The following DCUN1D5 variants were observed in gnomAD, a reference collection of about 807,000 sequenced individuals.
DCUN1D5 encodes defective in cullin neddylation 1 domain containing 5.
In DCUN1D5, 10 loss-of-function variants were observed where a neutral mutation model predicts 38.3. The ratio of observed to expected loss-of-function variants is 0.26; its 90% CI spans 0.16 to 0.44. The LOEUF is 0.44. DCUN1D5 is among the 20% of genes least tolerant of loss of function. The pLI is 1.00. For missense variants in DCUN1D5, 148 were observed against 275.3 expected, an observed-to-expected ratio of 0.54 and a Z score of 3.27; for synonymous variants, 93 against 90.9, an observed-to-expected ratio of 1.02 and a Z score of -0.13.
chr11:103,082,714 G>A, intron 4 of DCUN1D5, 34 bp downstream of exon 4: 1 of 1,324,694 alleles, frequency 7.5e-7, no homozygotes, highest in Non-Finnish European at 1.1e-6. Flanking sequence ...CTTCAAATAG[G>A]CCATCAAATT....
At chr11:103,088,285 T>C (rs1055922157) in intron 2 of DCUN1D5, among the ~76,000 whole-genome samples, 1 of 150,180 alleles carries the variant, frequency 6.7e-6, no homozygotes, top group Non-Finnish European at 1.5e-5. Flanking sequence ...ATTTTGAGAA[T>C]GATAGTGATT....
At chr11:103,074,897 T>C (rs774485540) in intron 4 of DCUN1D5, among the ~76,000 whole-genome samples, 14 of 152,246 alleles carry the variant, frequency 9.2e-5, no homozygotes, top group Non-Finnish European at 2.1e-4. Context: ...TTTCTGATTA[T>C]AAACTAGTGA....
intron 3 of DCUN1D5, 37 bp from the exon 4 acceptor site, chr11:103,082,876 C>T: frequency 6.7e-7 from 1 of 1,495,764 alleles, no homozygotes; most frequent in Non-Finnish European, 9.3e-7. Flanking sequence ...GGGGAAAAGT[C>T]AGCATAGAGA....
Position 103,077,072 on chromosome 11 carries a change from T to C in DCUN1D5, c.341+5676A>G, listed in dbSNP as rs1591217965. ...AAAATTAGCTGGGTGTGGTGGCGGG[T>C]GCCTGTAGTCCCAGCTACTCAGGAG... On this transcript the variant is annotated intron_variant, in intron 4 of 7. Coordinates refer to ENST00000260247, the MANE Select transcript of DCUN1D5 (RefSeq NM_032299.4). The surrounding 1 kb of genome is among the most constrained non-coding windows in gnomAD (Gnocchi z 4.3). Among the ~76,000 whole-genome samples, 1 of 152,090 alleles carries C rather than the reference T, an allele frequency of 6.6e-6. No individual in the cohort carries two copies. Among genetic ancestry groups the C allele is most frequent in the South Asian group, 2.1e-4 (1 of 4,822 alleles).
rs904871891 is a variant in DCUN1D5 at position 103,061,327 on chromosome 11, T to G, written c.*1032A>C. ...CATATCACTGGGATACTGGATGGTT[T>G]GAAAAGGAATGTACAAACAGGCCTG... On this transcript the variant is annotated 3_prime_UTR_variant, in exon 8 of 8. Transcript: ENST00000260247. 2.6e-5 allele frequency among the ~76,000 whole-genome samples: 4 copies of G among 152,188 alleles called. No homozygotes were observed. Among genetic ancestry groups the G allele is most frequent in the Non-Finnish European group, 5.9e-5 (4 of 68,020 alleles).
intron 4 of DCUN1D5, among the ~76,000 whole-genome samples, chr11:103,069,018 T>C (rs972261670): frequency 6.6e-6 from 1 of 152,164 alleles, no homozygotes; most frequent in Non-Finnish European, 1.5e-5. Flanking sequence ...TATAGACGAA[T>C]GCTTTCAAAG....
rs78833962 is a variant in DCUN1D5 at position 103,060,033 on chromosome 11, G to T, written c.*2326C>A. On this transcript the variant is annotated 3_prime_UTR_variant, in exon 8 of 8. Transcript: ENST00000260247. ...ATTGTTTATATCACTTAACATTTTT[G>T]ATCATAAATTTCCCAGTAAATTAAA... Among the ~76,000 whole-genome samples the T allele has an allele frequency of 4.2e-4, 64 of 152,104 alleles. No individual in the cohort carries two copies. The highest frequency in any genetic ancestry group is 1.5e-3 in the African/African-American group (62 of 41,496).
Position 103,064,362 on chromosome 11 carries a change from C to G in DCUN1D5, c.571G>C (p.Val191Leu). The G allele has an allele frequency of 6.3e-7, 1 of 1,596,648 alleles. No homozygotes were observed. Among genetic ancestry groups the G allele is most frequent in the Non-Finnish European group, 8.5e-7 (1 of 1,172,114 alleles). Residue 191 changes from valine to leucine, a missense_variant, in exon 7 of 8, where the codon GTT (valine) becomes CTT (leucine). Physicochemically the swap from Val to Leu is conservative, Grantham distance 32. Transcript: ENST00000260247. The surrounding 1 kb of genome is among the most constrained non-coding windows in gnomAD (Gnocchi z 4.5). ...YQYLEQSKYR[V>L]MNKDQWYNVL... The stretch of plus-strand genomic sequence containing the variant: ...TTGTACCATTGATCTTTGTTCATAA[C>G]ACGATACTTTGATTGCTGCAAAAAT...
At chr11:103,079,556 C>A (rs1451346135) in intron 4 of DCUN1D5, among the ~76,000 whole-genome samples, 3 of 152,014 alleles carry the variant, frequency 2.0e-5, no homozygotes, top group East Asian at 3.9e-4. Context: ...CATAGTGAGA[C>A]AAGCTGGAGC....
At chr11:103,075,067 C>T (rs552059205) in intron 4 of DCUN1D5, among the ~76,000 whole-genome samples, 13 of 152,242 alleles carry the variant, frequency 8.5e-5, no homozygotes, top group African/African-American at 1.4e-4. Context: ...AGATGGAGGA[C>T]GAGGAATTCT....
Position 103,059,465 on chromosome 11 carries a change from T to C in DCUN1D5, c.*2894A>G, listed in dbSNP as rs1375681662. ...TAACATTCCCAAAGAAGGCTTCAAA[T>C]TGCAGTTCAAGAAACACTAATCTAG... On this transcript the variant is annotated 3_prime_UTR_variant, in exon 8 of 8. Transcript: ENST00000260247. Among the ~76,000 whole-genome samples the C allele has an allele frequency of 6.6e-6, 1 of 152,090 alleles. No individual in the cohort carries two copies. The highest frequency in any genetic ancestry group is 2.4e-5 in the African/African-American group (1 of 41,418).
At chr11:103,079,294 G>T (rs1179744411) in intron 4 of DCUN1D5, among the ~76,000 whole-genome samples, 1 of 152,128 alleles carries the variant, frequency 6.6e-6, no homozygotes, top group Non-Finnish European at 1.5e-5. Flanking sequence ...GGTTGGCTGG[G>T]TTACAGTATT....
intron 4 of DCUN1D5, among the ~76,000 whole-genome samples, chr11:103,079,138 G>A (rs1301473490): frequency 1.3e-5 from 2 of 152,170 alleles, no homozygotes; most frequent in Non-Finnish European, 2.9e-5. Flanking sequence ...GTGCGTGCGA[G>A]GGATCTAGGT....
Position 103,065,145 on chromosome 11 carries a change from T to C in DCUN1D5, c.556-768A>G, listed in dbSNP as rs938435255. On this transcript the variant is annotated intron_variant, in intron 6 of 7. Transcript: ENST00000260247. The surrounding 1 kb of genome is among the most constrained non-coding windows in gnomAD (Gnocchi z 4.6). ...CTCATTCATGTAAGACCTTTTCATATCATTGTCTCTTTTTTTTTTTTTCTG... is the reference window on the plus strand; with the variant it reads ...CTCATTCATGTAAGACCTTTTCATACCATTGTCTCTTTTTTTTTTTTTCTG... 6.6e-6 allele frequency among the ~76,000 whole-genome samples: 1 copy of C among 151,580 alleles called. No homozygotes were observed. Among genetic ancestry groups the C allele is most frequent in the Admixed American group, 6.6e-5 (1 of 15,220 alleles).
Position 103,066,293 on chromosome 11 carries a change from A to G in DCUN1D5, c.531T>C (p.Phe177=), listed in dbSNP as rs762623647. The change falls in exon 6 of 8, where the codon TTT becomes TTC. Residue 177 remains phenylalanine (F), a synonymous_variant. Transcript: ENST00000260247. This position sits in a 1 kb window ranked among gnomAD's most constrained non-coding sequence, Gnocchi z 4.7. ...ALLLGRTWPL[F]SVFYQYLEQS... is the part of the protein sequence containing the mutation. ...CCTCCAGGTACTGGTAAAATACTGA[A>G]AACAGTGGCCATGTCCTCCCAAGCA... The G allele has an allele frequency of 5.6e-6, 9 of 1,606,178 alleles. No individual in the cohort carries two copies. The South Asian group carries it at 1.0e-4, about 18-fold the overall frequency.
chr11:103,082,305 A>G (rs890573061), intron 4 of DCUN1D5, among the ~76,000 whole-genome samples: 2 of 152,134 alleles, frequency 1.3e-5, no homozygotes, highest in Admixed American at 1.3e-4. Context: ...AAGAAATCAT[A>G]AAAGGGTTAT....
At chr11:103,070,362 A>G (rs1862242221) in intron 4 of DCUN1D5, among the ~76,000 whole-genome samples, 1 of 152,202 alleles carries the variant, frequency 6.6e-6, no homozygotes, top group Non-Finnish European at 1.5e-5. Context: ...ATGGAAAATA[A>G]TATCTCACAG....
At chr11:103,074,702 G>A (rs1862366287) in intron 4 of DCUN1D5, among the ~76,000 whole-genome samples, 1 of 151,998 alleles carries the variant, frequency 6.6e-6, no homozygotes, top group Non-Finnish European at 1.5e-5. Context: ...CCATGCCCAG[G>A]AGTTTTTAAT....
chr11:103,085,329 G>T (rs892543970), intron 2 of DCUN1D5, among the ~76,000 whole-genome samples: 1 of 152,072 alleles, frequency 6.6e-6, no homozygotes, highest in African/African-American at 2.4e-5. Context: ...TCCCAGCTAC[G>T]CAGGAGGCTG....
Sources: gnomAD v4.1 joint callset for allele counts (sites outside exome capture counted in the v4.1 genomes callset) on GRCh38, gnomAD v4.1.1 for gene constraint, Gnocchi (gnomAD v3.1) non-coding constraint, MANE v1.5 for transcripts, NCBI Gene and HGNC (gene_info 2026-07-23, HGNC 2026-07-21) for gene names.